The following AADACL4 variants were observed in gnomAD, a reference collection of about 807,000 sequenced individuals.
AADACL4 encodes arylacetamide deacetylase like 4.
AADACL4 carries 9 observed loss-of-function variants against 14.1 expected under a neutral mutation model. The observed-to-expected ratio is 0.64, with a 90% CI of 0.39 to 1.12. AADACL4 has a LOEUF of 1.12. Among genes scored for constraint, AADACL4 ranks in the 50% most tolerant of loss-of-function variants. The pLI is 0.01. For missense variants in AADACL4, 531 were observed against 516.1 expected, an observed-to-expected ratio of 1.03 and a Z score of -0.28; for synonymous variants, 188 against 201.6, an observed-to-expected ratio of 0.93 and a Z score of 0.57.
intron 3 of AADACL4, among the ~76,000 whole-genome samples, chr1:12,663,537 T>G (rs1570434520): frequency 6.6e-6 from 1 of 152,138 alleles, no homozygotes; most frequent in Non-Finnish European, 1.5e-5. Context: ...ACCCTTGCAT[T>G]GCAGTGTAGG....
intron 2 of AADACL4, among the ~76,000 whole-genome samples, chr1:12,658,272 C>T (rs1647199462): frequency 6.8e-6 from 1 of 148,126 alleles, no homozygotes; most frequent in African/African-American, 2.5e-5. Flanking sequence ...TTCTTTCTTT[C>T]TTTCGAAACA....
chr1:12,652,897 T>G (rs186010511), intron 2 of AADACL4, among the ~76,000 whole-genome samples: 4 of 152,270 alleles, frequency 2.6e-5, no homozygotes, highest in Non-Finnish European at 5.9e-5. Flanking sequence ...CTTTTCAGGG[T>G]TTTATCACCT....
chr1:12,654,023 C>T (rs1647166197), intron 2 of AADACL4, among the ~76,000 whole-genome samples: 2 of 152,118 alleles, frequency 1.3e-5, no homozygotes, highest in African/African-American at 4.8e-5. Flanking sequence ...GGAGGCAGTA[C>T]CATCCAGGTG....
chr1:12,653,296 C>A (rs1358078410), intron 2 of AADACL4, among the ~76,000 whole-genome samples: 1 of 152,146 alleles, frequency 6.6e-6, no homozygotes, highest in African/African-American at 2.4e-5. Context: ...AAGGCAAAAA[C>A]CATTTGCGTC....
rs1267349673 is a variant in AADACL4, at chr1:12,644,320, T to C, written c.-227T>C. The stretch of plus-strand genomic sequence containing the variant: ...CCAAGACTCCCCATGATGAGCAGTA[T>C]TGATTTTTCTGGGTCCCCACATTGC... On this transcript the variant is annotated 5_prime_UTR_variant, in exon 1 of 4. Coordinates refer to ENST00000376221, the MANE Select transcript of AADACL4 (RefSeq NM_001013630.2). Among the ~76,000 whole-genome samples the C allele has an allele frequency of 2.0e-5, 3 of 152,198 alleles. No individual in the cohort carries two copies. The highest frequency in any genetic ancestry group is 7.2e-5 in the African/African-American group (3 of 41,462).
At chr1:12,664,475 T>C (rs1367432193) in intron 3 of AADACL4, among the ~76,000 whole-genome samples, 1 of 152,048 alleles carries the variant, frequency 6.6e-6, no homozygotes. Flanking sequence ...CAAGTGACTC[T>C]CCTGTCTCAG....
intron 2 of AADACL4, among the ~76,000 whole-genome samples, chr1:12,657,514 T>C (rs984017741): frequency 3.3e-5 from 5 of 152,246 alleles, no homozygotes; most frequent in African/African-American, 1.2e-4. Flanking sequence ...ATCATGAGAA[T>C]GAATTCAAGG....
chr1:12,652,093 G>A (rs564947710), intron 2 of AADACL4, among the ~76,000 whole-genome samples: 1 of 152,098 alleles, frequency 6.6e-6, no homozygotes, highest in East Asian at 1.9e-4. Context: ...AAAGTGCTGG[G>A]ATTACAGGCG....
chr1:12,649,076 G>C (rs1389242780), intron 1 of AADACL4, among the ~76,000 whole-genome samples: 1 of 152,184 alleles, frequency 6.6e-6, no homozygotes, highest in African/African-American at 2.4e-5. Context: ...GATCCACACA[G>C]TAAAGCCCCA....
intron 2 of AADACL4, among the ~76,000 whole-genome samples, chr1:12,651,768 C>G (rs560562246): frequency 6.6e-6 from 1 of 151,922 alleles, no homozygotes; most frequent in South Asian, 2.1e-4. Context: ...CTCCCAGCCA[C>G]GGGTCTCCCT....
chr1:12,646,270 C>G (rs530441026), intron 1 of AADACL4, among the ~76,000 whole-genome samples: 2 of 152,192 alleles, frequency 1.3e-5, no homozygotes, highest in Non-Finnish European at 2.9e-5. Flanking sequence ...CACTCACTCG[C>G]TGTGCGGTCC....
chr1:12,646,443 A>G (rs1432485112), intron 1 of AADACL4, among the ~76,000 whole-genome samples: 1 of 152,206 alleles, frequency 6.6e-6, no homozygotes, highest in Non-Finnish European at 1.5e-5. Flanking sequence ...AGAGACACCG[A>G]CAAGTTCAGT....
intron 1 of AADACL4, among the ~76,000 whole-genome samples, chr1:12,646,169 G>A (rs1273425338): frequency 6.6e-6 from 1 of 152,170 alleles, no homozygotes; most frequent in Non-Finnish European, 1.5e-5. Context: ...TGTGGAGGAG[G>A]ATGAGGAGGC....
intron 2 of AADACL4, among the ~76,000 whole-genome samples, chr1:12,654,367 C>T (rs2100762270): frequency 6.6e-6 from 1 of 152,290 alleles, no homozygotes; most frequent in East Asian, 1.9e-4. Flanking sequence ...GGATATTGAT[C>T]CTTGTATGGG....
chr1:12,661,495 T>A (rs1223453850), intron 2 of AADACL4, among the ~76,000 whole-genome samples: 1 of 150,796 alleles, frequency 6.6e-6, no homozygotes, highest in Non-Finnish European at 1.5e-5. Flanking sequence ...CTTCCCTTGG[T>A]TTTTTTCCAT....
rs1170824592 is a variant in AADACL4 at position 12,656,671 on chromosome 1, C to T, written c.386-5120C>T. Among the ~76,000 whole-genome samples, 4 of 152,186 alleles carry T rather than the reference C, an allele frequency of 2.6e-5. No homozygotes were observed. The East Asian group carries it at 7.7e-4, about 29-fold the overall frequency. ...GGTTTAAAGAAAGACAAGGAGAAAA[C>T]ATTTTCCAACTAGCGTCAGTGTATT... On this transcript the variant is annotated intron_variant, in intron 2 of 3. Transcript: ENST00000376221.
intron 2 of AADACL4, among the ~76,000 whole-genome samples, chr1:12,660,060 C>T (rs1647214489): frequency 6.6e-6 from 1 of 152,176 alleles, no homozygotes; most frequent in Non-Finnish European, 1.5e-5. Flanking sequence ...TCAAGTGATC[C>T]CCCCACCTTG....
intron 1 of AADACL4, among the ~76,000 whole-genome samples, chr1:12,648,145 T>C (rs1647122886): frequency 6.6e-6 from 1 of 151,956 alleles, no homozygotes; most frequent in Admixed American, 6.6e-5. Flanking sequence ...TAATTTTTTG[T>C]ATTTTTAGTA....
At chr1:12,655,332 T>C (rs1466479767) in intron 2 of AADACL4, among the ~76,000 whole-genome samples, 3 of 152,218 alleles carry the variant, frequency 2.0e-5, no homozygotes, top group South Asian at 2.1e-4. Flanking sequence ...TTACCAGCCA[T>C]GTCAAGAGTC....
Sources: gnomAD v4.1 joint callset for allele counts (sites outside exome capture counted in the v4.1 genomes callset) on GRCh38, gnomAD v4.1.1 for gene constraint, MANE v1.5 for transcripts, NCBI Gene and HGNC (gene_info 2026-07-23, HGNC 2026-07-21) for gene names.